CDH13: variants seen among roughly 807,000 people sequenced by gnomAD.
CDH13 encodes the protein cadherin-13.
In CDH13, 24 loss-of-function variants were observed where a neutral mutation model predicts 63.8. That is an observed-to-expected ratio of 0.38 (90% CI 0.27 to 0.53). The LOEUF (loss-of-function observed/expected upper bound fraction) is 0.53, where lower values mean the gene tolerates loss of function less well. Among genes scored for constraint, CDH13 ranks in the 20% least tolerant of loss-of-function variants. The pLI is 0.85. For synonymous variants in CDH13, 503 were observed against 355.3 expected, an observed-to-expected ratio of 1.42 and a Z score of -4.67; for missense variants, 1,049 against 903.1, an observed-to-expected ratio of 1.16 and a Z score of -2.07.
intron 6 of CDH13, among the ~76,000 whole-genome samples, chr16:83,454,513 T>A (rs1280103542): frequency 6.6e-6 from 1 of 152,214 alleles, no homozygotes; most frequent in Admixed American, 6.5e-5. Context: ...ATTTAATGTA[T>A]CATAAGCACA....
At chr16:82,646,484 G>A (rs1048447443) in intron 1 of CDH13, among the ~76,000 whole-genome samples, 25 of 152,160 alleles carry the variant, frequency 1.6e-4, no homozygotes, top group African/African-American at 6.0e-4. Flanking sequence ...ATGAGTCACC[G>A]CGCCTGGCCT....
At chr16:83,733,120 G>C (rs1911197837) in intron 10 of CDH13, among the ~76,000 whole-genome samples, 1 of 152,226 alleles carries the variant, frequency 6.6e-6, no homozygotes, top group South Asian at 2.1e-4. Flanking sequence ...ATACTGGGAA[G>C]ATAGAAGGTG....
chr16:82,896,655 G>A (rs1250001390), intron 2 of CDH13, among the ~76,000 whole-genome samples: 1 of 151,866 alleles, frequency 6.6e-6, no homozygotes, highest in Non-Finnish European at 1.5e-5. Context: ...GATCAAATGA[G>A]GTGGGAGTTG....
In CDH13 at chr16:83,787,743, G is replaced by C. The variant is rs376890482; in HGVS notation, c.2134+4271G>C. 7.5e-4 allele frequency among the ~76,000 whole-genome samples: 115 copies of C among 152,324 alleles called. 1 individual carries two copies. In the South Asian group the frequency reaches 0.023, roughly 31 times the overall value. ...AGATCACTTGAGGTCAGGAGTTCAA[G>C]ACCAGCCTGGCCAACATGGCCAAAC... On this transcript the variant is annotated intron_variant, in intron 13 of 13. Transcript: ENST00000567109.
intron 1 of CDH13, among the ~76,000 whole-genome samples, chr16:82,659,156 C>T (rs934106392): frequency 1.3e-5 from 2 of 152,172 alleles, no homozygotes; most frequent in South Asian, 2.1e-4. Context: ...TGATTTGACT[C>T]CTTTAAAGAT....
At chr16:83,788,292 C>T (rs903421673) in intron 13 of CDH13, among the ~76,000 whole-genome samples, 12 of 152,150 alleles carry the variant, frequency 7.9e-5, no homozygotes, top group African/African-American at 2.7e-4. Flanking sequence ...CGCTGTGCAC[C>T]TGCTTGTTAA....
At chr16:83,092,465 C>T (rs889210706) in intron 3 of CDH13, among the ~76,000 whole-genome samples, 2 of 152,230 alleles carry the variant, frequency 1.3e-5, no homozygotes, top group African/African-American at 4.8e-5. Context: ...TCATCTGGAA[C>T]TGTCTAACTA....
chr16:82,967,892 A>G (rs958792958), intron 2 of CDH13, among the ~76,000 whole-genome samples: 13 of 152,170 alleles, frequency 8.5e-5, no homozygotes, highest in Non-Finnish European at 1.8e-4. Flanking sequence ...TTGGAAGGAG[A>G]TATTTCCAGA....
At chr16:83,325,089 C>A (rs999672510) in intron 5 of CDH13, among the ~76,000 whole-genome samples, 2 of 152,156 alleles carry the variant, frequency 1.3e-5, no homozygotes, top group African/African-American at 4.8e-5. Context: ...AGCCTTCATC[C>A]GCAATCTAAA....
At chr16:82,769,726 A>C (rs141543315) in intron 1 of CDH13, among the ~76,000 whole-genome samples, 12 of 152,350 alleles carry the variant, frequency 7.9e-5, no homozygotes, top group African/African-American at 2.9e-4. Flanking sequence ...ACAGAAAGAC[A>C]TGTGCCCACC....
chr16:83,757,551 C>T (rs185226888), intron 11 of CDH13, among the ~76,000 whole-genome samples: 9 of 152,226 alleles, frequency 5.9e-5, no homozygotes, highest in Non-Finnish European at 1.3e-4. Context: ...GCATCCCAGC[C>T]TGGGTGACAG....
chr16:83,317,186 C>G (rs544356530), intron 5 of CDH13, among the ~76,000 whole-genome samples: 20 of 152,328 alleles, frequency 1.3e-4, no homozygotes, highest in African/African-American at 4.8e-4. Flanking sequence ...AGTGCTAAGA[C>G]TGAGAAACCC....
At chr16:83,212,675 A>AAAG in intron 4 of CDH13, among the ~76,000 whole-genome samples, 1 of 152,286 alleles carries the variant, frequency 6.6e-6, no homozygotes, top group Non-Finnish European at 1.5e-5. Context: ...CATCAGTGAT[A>AAAG]CTCAACAGGG....
chr16:83,660,753 T>C (rs1913364519), intron 8 of CDH13, among the ~76,000 whole-genome samples: 1 of 152,230 alleles, frequency 6.6e-6, no homozygotes, highest in Non-Finnish European at 1.5e-5. Context: ...ATGTTGGTGG[T>C]CAAATGAGTA....
At chr16:82,852,406 C>CT (rs1437931811) in intron 1 of CDH13, among the ~76,000 whole-genome samples, 5 of 152,190 alleles carry the variant, frequency 3.3e-5, no homozygotes, top group African/African-American at 1.2e-4. Flanking sequence ...ATTCTGGGCT[C>CT]TTTCTATTGG....
chr16:82,897,825 A>G (rs1328804573), intron 2 of CDH13, among the ~76,000 whole-genome samples: 1 of 152,228 alleles, frequency 6.6e-6, no homozygotes, highest in East Asian at 1.9e-4. Flanking sequence ...TTATGAGTTT[A>G]TCTTGATCAT....
At chr16:83,014,564 T>C (rs1914496041) in intron 2 of CDH13, among the ~76,000 whole-genome samples, 1 of 150,254 alleles carries the variant, frequency 6.7e-6, no homozygotes, top group Non-Finnish European at 1.5e-5. Flanking sequence ...TGAAACCCTG[T>C]CTCTACTAAA....
chr16:83,328,115 A>G lies in CDH13; in HGVS notation c.637-16747A>G, dbSNP rs894792657. Among the ~76,000 whole-genome samples the G allele has an allele frequency of 3.3e-5, 4 of 121,308 alleles. No homozygotes were observed. In the East Asian group the frequency reaches 9.7e-4, roughly 30 times the overall value. The allele number at this position is 121,308 out of a possible 152,430, so 79.6% of individuals were successfully genotyped here. A position where few individuals can be genotyped will look rare whatever the true frequency, so the allele number is the denominator to read the frequency against. On this transcript the variant is annotated intron_variant, in intron 5 of 13. Coordinates refer to ENST00000567109, the MANE Select transcript of CDH13 (RefSeq NM_001257.5). ...ACCACTGCACTCCAGCCCAGGAGACAGTATTGTCAAAAAAAAAAAAAAAGA... is the reference window on the plus strand; with the variant it reads ...ACCACTGCACTCCAGCCCAGGAGACGGTATTGTCAAAAAAAAAAAAAAAGA...
intron 1 of CDH13, among the ~76,000 whole-genome samples, chr16:82,727,003 T>G (rs1249535987): frequency 1.3e-5 from 2 of 152,128 alleles, no homozygotes; most frequent in African/African-American, 4.8e-5. Flanking sequence ...CTGCTTTTGT[T>G]CTTCTTCTAA....
Sources: gnomAD v4.1 joint callset for allele counts (sites outside exome capture counted in the v4.1 genomes callset) on GRCh38, gnomAD v4.1.1 for gene constraint, MANE v1.5 for transcripts, NCBI Gene and HGNC (gene_info 2026-07-23, HGNC 2026-07-21) for gene names.